HDAC9: variants seen among roughly 807,000 people sequenced by gnomAD.
HDAC9 encodes the protein histone deacetylase 9, also known as MEF-2 interacting transcription repressor (MITR) protein.
In HDAC9, 41 loss-of-function variants were observed where a neutral mutation model predicts 139.4. That is an observed-to-expected ratio of 0.29 (90% CI 0.23 to 0.38). HDAC9 has a LOEUF of 0.38. Ranked by LOEUF, HDAC9 falls within the 10% of genes least tolerant of loss-of-function variation. The probability of loss-of-function intolerance (pLI) is 1.00; values close to 1 mark genes in which losing one functional copy is unlikely to be tolerated. For synonymous variants in HDAC9, 517 were observed against 476.2 expected (o/e 1.09, Z -1.12); for missense variants, 1,147 against 1,297.0 (o/e 0.88, Z 1.78).
intron 1 of HDAC9, among the ~76,000 whole-genome samples, chr7:18,468,783 C>T (rs1794499154): frequency 6.6e-6 from 1 of 152,122 alleles, no homozygotes; most frequent in Non-Finnish European, 1.5e-5. Context: ...TATCATTGTG[C>T]TTATTTAATG....
chr7:18,717,771 T>A (rs936458380), intron 12 of HDAC9, among the ~76,000 whole-genome samples: 2 of 152,064 alleles, frequency 1.3e-5, no homozygotes, highest in African/African-American at 2.4e-5. Flanking sequence ...ATTGTACAGA[T>A]GTACAAATAT....
In HDAC9 at chr7:18,912,111, G is replaced by A. The variant is rs909221312; in HGVS notation, c.2804-23698G>A. 2.6e-5 allele frequency among the ~76,000 whole-genome samples: 4 copies of A among 152,034 alleles called. No individual in the cohort carries two copies. The South Asian group carries it at 8.3e-4, about 32-fold the overall frequency. ...TGAAGTCCCTAACTATTTTCATATT[G>A]GGATATCTCTCTCTCTTTACATAGA... is the stretch of plus-strand genomic sequence containing the variant. On this transcript the variant is annotated intron_variant, in intron 22 of 25. Transcript: ENST00000686413.
At chr7:18,931,104 G>A (rs996547783) in intron 22 of HDAC9, among the ~76,000 whole-genome samples, 3 of 152,066 alleles carry the variant, frequency 2.0e-5, no homozygotes. Context: ...AGAAAAAGCG[G>A]TCTAGAATAT....
At chr7:18,771,741 T>C (rs1266655030) in intron 16 of HDAC9, among the ~76,000 whole-genome samples, 1 of 152,084 alleles carries the variant, frequency 6.6e-6, no homozygotes, top group African/African-American at 2.4e-5. Context: ...AAAGAGCTGC[T>C]CTGGTGTTTC....
At chr7:18,878,661 C>G (rs938754052) in intron 22 of HDAC9, among the ~76,000 whole-genome samples, 5 of 152,120 alleles carry the variant, frequency 3.3e-5, no homozygotes, top group Non-Finnish European at 7.4e-5. Flanking sequence ...GAACATATCT[C>G]AAAATAATAA....
At chr7:18,668,263 G>A (rs1210373355) in intron 12 of HDAC9, 2 of 957,606 alleles carry the variant, frequency 2.1e-6, no homozygotes, top group African/African-American at 3.5e-5. Flanking sequence ...GCTATAATAG[G>A]AACACTCCCT....
At chr7:18,631,241 A>T (rs556535017) in intron 7 of HDAC9, among the ~76,000 whole-genome samples, 6 of 152,268 alleles carry the variant, frequency 3.9e-5, no homozygotes, top group Non-Finnish European at 7.4e-5. Flanking sequence ...TTCGTGAGAT[A>T]AGCACTCGCC....
At chr7:18,885,149 G>A (rs1800040731) in intron 22 of HDAC9, among the ~76,000 whole-genome samples, 1 of 152,240 alleles carries the variant, frequency 6.6e-6, no homozygotes, top group African/African-American at 2.4e-5. Context: ...GGAGGGCAAT[G>A]TGGTCGTAAG....
chr7:18,347,503 A>G (rs939416808), intron 1 of HDAC9, among the ~76,000 whole-genome samples: 1 of 152,052 alleles, frequency 6.6e-6, no homozygotes. Flanking sequence ...AAAAACAACA[A>G]CTCCCATGTA....
At chr7:18,159,268 C>G (rs1324615123) in intron 1 of HDAC9, among the ~76,000 whole-genome samples, 1 of 151,992 alleles carries the variant, frequency 6.6e-6, no homozygotes, top group Non-Finnish European at 1.5e-5. Flanking sequence ...TTTTTCTATT[C>G]TTTTTTGTTA....
intron 12 of HDAC9, among the ~76,000 whole-genome samples, chr7:18,688,228 T>C (rs1257220498): frequency 6.6e-6 from 1 of 151,870 alleles, no homozygotes; most frequent in Non-Finnish European, 1.5e-5. Flanking sequence ...TCATAAAGAA[T>C]AATATTCTCA....
intron 2 of HDAC9, among the ~76,000 whole-genome samples, chr7:18,538,586 T>C (rs1437358682): frequency 6.6e-6 from 1 of 152,236 alleles, no homozygotes; most frequent in Non-Finnish European, 1.5e-5. Context: ...ATGGTAATAC[T>C]TGACTCATGT....
intron 22 of HDAC9, among the ~76,000 whole-genome samples, chr7:18,905,220 T>C (rs1802121644): frequency 6.6e-6 from 1 of 152,252 alleles, no homozygotes; most frequent in African/African-American, 2.4e-5. Flanking sequence ...TAACCACTCA[T>C]GACACTGTCA....
At chr7:18,453,541 T>TATA (rs1337477018) in intron 1 of HDAC9, among the ~76,000 whole-genome samples, 1 of 152,168 alleles carries the variant, frequency 6.6e-6, no homozygotes, top group Non-Finnish European at 1.5e-5. Context: ...TAGTAGTGCT[T>TATA]ATCTGGGAGT....
chr7:18,243,173 C>T (rs1794301913), intron 2 of HDAC9, among the ~76,000 whole-genome samples: 1 of 152,134 alleles, frequency 6.6e-6, no homozygotes, highest in Admixed American at 6.5e-5. Context: ...TTCTGTATTA[C>T]TAGTGTAAAA....
At chr7:18,326,476 A>G (rs1000058573) in intron 1 of HDAC9, among the ~76,000 whole-genome samples, 3 of 152,000 alleles carry the variant, frequency 2.0e-5, no homozygotes, top group Admixed American at 1.3e-4. Context: ...TCACTTCTCT[A>G]TAGGAATTAC....
At chr7:18,246,999 G>C (rs302148) in intron 2 of HDAC9, among the ~76,000 whole-genome samples, 108,298 of 151,870 alleles carry the variant, frequency 0.71, 38,864 homozygotes, top group South Asian at 0.85. Flanking sequence ...TTGTTCTAAC[G>C]TGAGCAACTG....
At chr7:18,617,533 A>G (rs1838981229) in intron 6 of HDAC9, among the ~76,000 whole-genome samples, 1 of 152,170 alleles carries the variant, frequency 6.6e-6, no homozygotes, top group Non-Finnish European at 1.5e-5. Context: ...CAGATGATAT[A>G]TATACTTCCT....
At chr7:18,824,200 G>A (rs957681434) in intron 17 of HDAC9, among the ~76,000 whole-genome samples, 8 of 152,120 alleles carry the variant, frequency 5.3e-5, no homozygotes, top group Admixed American at 6.5e-5. Context: ...TCTGCAAGCC[G>A]CAAAGAGAGC....
Sources: allele counts gnomAD v4.1 joint callset (sites outside exome capture counted in the v4.1 genomes callset), GRCh38; gene constraint gnomAD v4.1.1; transcripts MANE v1.5; gene names NCBI Gene and HGNC (gene_info 2026-07-23, HGNC 2026-07-21).